The following DNAH3 variants were observed in gnomAD, a reference collection of about 807,000 sequenced individuals.
DNAH3 encodes axonemal beta dynein heavy chain 3.
DNAH3 carries 332 observed loss-of-function variants against 432.5 expected under a neutral mutation model. That is an observed-to-expected ratio of 0.77 (90% CI 0.70 to 0.84). The LOEUF (loss-of-function observed/expected upper bound fraction) is 0.84. Ranked by LOEUF, DNAH3 falls within the 40% of genes least tolerant of loss-of-function variation. The pLI is 0.00. For synonymous variants in DNAH3, 1,956 were observed against 1,900.2 expected (o/e 1.03, Z -0.76); for missense variants, 4,861 against 5,114.0 (o/e 0.95, Z 1.51).
chr16:21,126,186 A>AATTC (rs36054726), intron 8 of DNAH3, among the ~76,000 whole-genome samples: 2 of 151,826 alleles, frequency 1.3e-5, no homozygotes, highest in African/African-American at 4.8e-5. Context: ...AAACAACAAC[A>AATTC]AACAAACAAA....
intron 37 of DNAH3, among the ~76,000 whole-genome samples, chr16:21,028,641 G>T (rs976229708): frequency 2.7e-5 from 4 of 147,102 alleles, no homozygotes; most frequent in Non-Finnish European, 4.5e-5. Flanking sequence ...ACAACAGAGG[G>T]AGACTTTGTC....
chr16:21,146,966 G>A (rs1157256201), intron 1 of DNAH3, among the ~76,000 whole-genome samples: 1 of 151,822 alleles, frequency 6.6e-6, no homozygotes, highest in Non-Finnish European at 1.5e-5. Flanking sequence ...CATCATGTTG[G>A]CCAGGCTGGT....
chr16:21,122,250 T>C, intron 9 of DNAH3, 126 bp from the exon 11 acceptor site: 1 of 762,152 alleles, frequency 1.3e-6, no homozygotes, highest in Non-Finnish European at 2.1e-6. Flanking sequence ...TCATACACTG[T>C]TTATATTTAA....
intron 5 of DNAH3, among the ~76,000 whole-genome samples, chr16:21,138,478 A>G (rs1012094124): frequency 1.3e-5 from 2 of 152,184 alleles, no homozygotes; most frequent in African/African-American, 4.8e-5. Flanking sequence ...GGTGACCCTT[A>G]TCTTCAGGCA....
At chr16:21,153,782 C>T (rs964933335) in intron 1 of DNAH3, among the ~76,000 whole-genome samples, 7 of 152,170 alleles carry the variant, frequency 4.6e-5, no homozygotes, top group African/African-American at 1.7e-4. Flanking sequence ...GGGCCCACGG[C>T]TTCATTCTTG....
At chr16:20,976,901 AAACGTTT>A (rs1483586233) in intron 50 of DNAH3, among the ~76,000 whole-genome samples, 7 of 152,208 alleles carry the variant, frequency 4.6e-5, no homozygotes, top group African/African-American at 1.7e-4. Context: ...TATGAGAAGT[AAACGTTT>A]GTTGTTGAAG....
chr16:20,970,842 ATTTCT>A (rs772989114), intron 51 of DNAH3, among the ~76,000 whole-genome samples: 65 of 142,172 alleles, frequency 4.6e-4, no homozygotes, highest in Non-Finnish European at 6.5e-4. Context: ...CCCAGTATGG[ATTTCT>A]TTTCTTTTCT....
intron 60 of DNAH3, among the ~76,000 whole-genome samples, chr16:20,936,128 A>G (rs2083579644): frequency 6.6e-6 from 1 of 151,928 alleles, no homozygotes; most frequent in Non-Finnish European, 1.5e-5. Context: ...TATTGTCCAA[A>G]TCTATCTCAT....
intron 52 of DNAH3, among the ~76,000 whole-genome samples, chr16:20,969,103 T>C (rs935946719): frequency 1.9e-4 from 29 of 151,006 alleles, no homozygotes; most frequent in Non-Finnish European, 3.9e-4. Context: ...TGTGTGTGTG[T>C]GTGTGTGTGT....
chr16:21,082,987 A>AT (rs1473728192), intron 19 of DNAH3, among the ~76,000 whole-genome samples: 1 of 148,616 alleles, frequency 6.7e-6, no homozygotes, highest in Non-Finnish European at 1.5e-5. Flanking sequence ...TATTTTTTAA[A>AT]TTTTTATTAT....
At chr16:21,127,768 C>T in exon 8 of DNAH3, 4 of 1,614,166 alleles carry the variant, frequency 2.5e-6, no homozygotes, top group South Asian at 1.1e-5. Flanking sequence ...AGGCAATTTT[C>T]CCGCTAGTAT....
intron 1 of DNAH3, among the ~76,000 whole-genome samples, chr16:21,148,374 T>C (rs72780893): frequency 0.16 from 24,163 of 151,968 alleles, 2,364 homozygotes; most frequent in South Asian, 0.25. Flanking sequence ...AGGTAACACA[T>C]CCTAGCCATG....
At chr16:20,997,700 C>T (rs2086822761) in intron 43 of DNAH3, among the ~76,000 whole-genome samples, 1 of 151,948 alleles carries the variant, frequency 6.6e-6, no homozygotes, top group African/African-American at 2.4e-5. Context: ...CATAGACTGA[C>T]ATTAACAAAC....
intron 12 of DNAH3, among the ~76,000 whole-genome samples, chr16:21,113,761 A>G (rs565328976): frequency 9.9e-5 from 15 of 152,278 alleles, no homozygotes; most frequent in South Asian, 6.2e-4. Context: ...GCCGGGCCCA[A>G]TGTCTTTAAT....
At chr16:21,074,961 T>C (rs2639783) in intron 21 of DNAH3, among the ~76,000 whole-genome samples, 33,212 of 151,962 alleles carry the variant, frequency 0.22, 3,810 homozygotes, top group East Asian at 0.46. Context: ...CCCTTACTAT[T>C]CAAAATTGAT....
chr16:21,126,589 C>A (rs2092450585), intron 8 of DNAH3, among the ~76,000 whole-genome samples: 1 of 152,168 alleles, frequency 6.6e-6, no homozygotes, highest in South Asian at 2.1e-4. Context: ...GAATATAAGT[C>A]ATTCAAATGC....
intron 48 of DNAH3, among the ~76,000 whole-genome samples, chr16:20,984,027 C>CATAAAA (rs1325329221): frequency 3.3e-5 from 2 of 61,372 alleles, no homozygotes. Context: ...ACCCTATATC[C>CATAAAA]AGAAAAAAAA....
At chr16:21,036,818 C>A in exon 35 of DNAH3, 1 of 1,610,976 alleles carries the variant, frequency 6.2e-7, no homozygotes, top group South Asian at 1.1e-5. Context: ...TTTGGAAGAA[C>A]AACTCCAGGA....
At chr16:21,016,548 T>C (rs534926132) in intron 41 of DNAH3, among the ~76,000 whole-genome samples, 1 of 152,322 alleles carries the variant, frequency 6.6e-6, no homozygotes, top group East Asian at 1.9e-4. Context: ...AGAACTTCTG[T>C]GTATCGCTGG....
Sources: allele counts gnomAD v4.1 joint callset (sites outside exome capture counted in the v4.1 genomes callset), GRCh38; gene constraint gnomAD v4.1.1; transcripts MANE v1.5; gene names NCBI Gene and HGNC (gene_info 2026-07-23, HGNC 2026-07-21).